Variants in ZBTB1 observed in about 807,000 individuals in gnomAD.
ZBTB1 encodes zinc finger and BTB domain-containing protein 1.
A neutral mutation model predicts 51.6 loss-of-function variants in ZBTB1; 13 were observed. The ratio of observed to expected loss-of-function variants is 0.25; its 90% CI spans 0.16 to 0.40. ZBTB1 has a LOEUF of 0.40. ZBTB1 is among the 10% of genes least tolerant of loss of function. The pLI, the probability that ZBTB1 is intolerant of heterozygous loss-of-function variation, is 1.00. For missense variants in ZBTB1, 567 were observed against 856.5 expected, an observed-to-expected ratio of 0.66 and a Z score of 4.22; for synonymous variants, 240 against 282.2, an observed-to-expected ratio of 0.85 and a Z score of 1.50.
intron 1 of ZBTB1, chr14:64,518,434 C>T (rs2079819609): frequency 6.6e-6 from 1 of 152,120 alleles, no homozygotes; most frequent in Admixed American, 6.5e-5. Flanking sequence ...CATAAGCCAT[C>T]TTCATTTCAC....
At position 64,524,568 on chromosome 14, in the gene ZBTB1, A is replaced by G; in HGVS notation, c.*922A>G. On this transcript the variant is annotated 3_prime_UTR_variant, in exon 2 of 2. Coordinates refer to ENST00000683701, the MANE Select transcript of ZBTB1 (RefSeq NM_001123329.2). ...AGGAAAAGATGATTTTTTACAATAC[A>G]TACTTCTGGAACTTTGAGATTTGAG... is the stretch of plus-strand genomic sequence containing the variant. The G allele has an allele frequency of 1.0e-6, 1 of 983,244 alleles. No individual in the cohort carries two copies. Among genetic ancestry groups the G allele is most frequent in the Non-Finnish European group, 1.2e-6 (1 of 827,984 alleles). 60.9% of individuals were successfully genotyped at this position (983,244 alleles called of 1,614,324 possible).
chr14:64,515,520 ATT>A (rs5809234), intron 1 of ZBTB1, among the ~76,000 whole-genome samples: 255 of 134,902 alleles, frequency 1.9e-3, no homozygotes, highest in Middle Eastern at 4.0e-3. Flanking sequence ...ATGCCTCATA[ATT>A]TTTTTTTTTT....
chr14:64,519,890 A>G (rs183109717), intron 1 of ZBTB1, among the ~76,000 whole-genome samples: 119 of 152,298 alleles, frequency 7.8e-4, no homozygotes, highest in African/African-American at 2.5e-3. Context: ...CATGAGACAC[A>G]TTCTAACTCT....
At chr14:64,527,336 C>T (rs1229697503), downstream of ZBTB1, among the ~76,000 whole-genome samples, 7 of 151,130 alleles carry the variant, frequency 4.6e-5, no homozygotes, top group Admixed American at 2.6e-4. Context: ...TTAGGCCAGG[C>T]GCAGTGGCTC....
Position 64,512,493 on chromosome 14 carries a change from G to A in ZBTB1, c.-19+7547G>A, listed in dbSNP as rs561897601. Among the ~76,000 whole-genome samples, 4 of 152,278 alleles carry A rather than the reference G, an allele frequency of 2.6e-5. No individual in the cohort carries two copies. The South Asian group carries it at 6.2e-4, about 24-fold the overall frequency. Reference sequence around the variant, plus strand: ...TACAAGTAATACTACTGCACTGTTAGGCTTAATATATAGCTCCATTATGTC... The same window carrying A: ...TACAAGTAATACTACTGCACTGTTAAGCTTAATATATAGCTCCATTATGTC... On this transcript the variant is annotated intron_variant, in intron 1 of 1. Coordinates refer to ENST00000683701, the MANE Select transcript of ZBTB1 (RefSeq NM_001123329.2).
downstream of ZBTB1, among the ~76,000 whole-genome samples, chr14:64,528,384 CAGTT>C (rs1566638576): frequency 9.9e-6 from 1 of 101,296 alleles, no homozygotes; most frequent in Non-Finnish European, 1.9e-5. Context: ...CTATTTTGAT[CAGTT>C]AGTTCCTCAA....
intron 1 of ZBTB1, 156 bp downstream of exon 1, chr14:64,505,102 G>C: frequency 2.8e-6 from 1 of 351,932 alleles, no homozygotes; most frequent in Non-Finnish European, 5.1e-6. Context: ...GGTGACGGGC[G>C]GCTGCCAGGC....
intron 1 of ZBTB1, among the ~76,000 whole-genome samples, chr14:64,517,781 A>ATATATATTTTTTTTTTTTTTTT (rs1160337478): frequency 2.4e-5 from 1 of 41,550 alleles, no homozygotes; most frequent in Non-Finnish European, 4.6e-5. Context: ...ATATATATAT[A>ATATATATTTTTTTTTTTTTTTT]TTTTTTTTTT....
downstream of ZBTB1, chr14:64,525,101 T>G: frequency 3.5e-6 from 1 of 287,660 alleles, no homozygotes; most frequent in Non-Finnish European, 5.2e-6. Context: ...AATATGCAAA[T>G]CATATTTTGT....
chr14:64,517,888 C>G (rs780238951), intron 1 of ZBTB1, among the ~76,000 whole-genome samples: 11 of 147,564 alleles, frequency 7.5e-5, no homozygotes, highest in Admixed American at 6.9e-4. Flanking sequence ...GGCTGGAGTA[C>G]AGTGGCATGA....
At chr14:64,515,862 A>G (rs1188513911) in intron 1 of ZBTB1, among the ~76,000 whole-genome samples, 1 of 152,182 alleles carries the variant, frequency 6.6e-6, no homozygotes, top group East Asian at 1.9e-4. Flanking sequence ...AGATAAGCTA[A>G]AAGTCTCACA....
chr14:64,510,649 C>G (rs188699873), intron 1 of ZBTB1, among the ~76,000 whole-genome samples: 167 of 152,204 alleles, frequency 1.1e-3, no homozygotes, highest in Admixed American at 2.2e-3. Context: ...TTTTATGTTG[C>G]TTGAACATGA....
chr14:64,511,034 AAGT>A (rs1315109108), intron 1 of ZBTB1, among the ~76,000 whole-genome samples: 1 of 152,228 alleles, frequency 6.6e-6, no homozygotes, highest in Non-Finnish European at 1.5e-5. Context: ...GGTAGCTCCC[AAGT>A]AGTCTAGGTG....
intron 1 of ZBTB1, chr14:64,518,629 T>C (rs2079822387): frequency 1.3e-5 from 2 of 152,166 alleles, no homozygotes; most frequent in Non-Finnish European, 2.9e-5. Flanking sequence ...ATTTTATTTC[T>C]CTAAACAGCT....
At chr14:64,519,375 C>T (rs550829905) in intron 1 of ZBTB1, among the ~76,000 whole-genome samples, 38 of 151,116 alleles carry the variant, frequency 2.5e-4, no homozygotes, top group Admixed American at 1.1e-3. Context: ...GTCTCGAACT[C>T]CTGACCTCAG....
chr14:64,510,166 A>G (rs1429792824), intron 1 of ZBTB1, among the ~76,000 whole-genome samples: 1 of 152,106 alleles, frequency 6.6e-6, no homozygotes, highest in Non-Finnish European at 1.5e-5. Context: ...GGAGACCAAC[A>G]CATAATTATA....
intron 1 of ZBTB1, among the ~76,000 whole-genome samples, chr14:64,520,376 G>A (rs963614755): frequency 6.6e-6 from 1 of 152,034 alleles, no homozygotes; most frequent in East Asian, 1.9e-4. Context: ...GTACAGTGGC[G>A]TGATCATGGC....
intron 1 of ZBTB1, among the ~76,000 whole-genome samples, chr14:64,519,100 C>T (rs1395377113): frequency 4.0e-5 from 6 of 149,190 alleles, no homozygotes; most frequent in Non-Finnish European, 7.4e-5. Context: ...GGTGTGTGAT[C>T]TGAGGTGTGT....
chr14:64,510,848 T>C (rs1227290191), intron 1 of ZBTB1, among the ~76,000 whole-genome samples: 4 of 152,194 alleles, frequency 2.6e-5, no homozygotes, highest in African/African-American at 9.7e-5. Flanking sequence ...AAGAAAAAGA[T>C]TACCTGAGAG....
Sources: gnomAD v4.1 joint callset for allele counts (sites outside exome capture counted in the v4.1 genomes callset) on GRCh38, gnomAD v4.1.1 for gene constraint, MANE v1.5 for transcripts, NCBI Gene and HGNC (gene_info 2026-07-23, HGNC 2026-07-21) for gene names.